PRKG1: variants seen among roughly 807,000 people sequenced by gnomAD.
PRKG1 encodes protein kinase cGMP-dependent 1.
In PRKG1, 35 loss-of-function variants were observed where a neutral mutation model predicts 88.1. The ratio of observed to expected loss-of-function variants is 0.40; its 90% CI spans 0.30 to 0.53. PRKG1 has a LOEUF of 0.53. Ranked by LOEUF, PRKG1 falls within the 20% of genes least tolerant of loss-of-function variation. PRKG1 has a pLI of 0.59. For synonymous variants in PRKG1, 303 were observed against 292.5 expected (o/e 1.04, Z -0.37); for missense variants, 540 against 839.8 (o/e 0.64, Z 4.41).
chr10:52,261,900 C>G (rs1042451918), intron 10 of PRKG1, among the ~76,000 whole-genome samples: 1 of 152,086 alleles, frequency 6.6e-6, no homozygotes, highest in African/African-American at 2.4e-5. Flanking sequence ...TCACTTAAAG[C>G]ATTTCATTTC....
At chr10:51,597,825 A>G (rs1370832683) in intron 3 of PRKG1, among the ~76,000 whole-genome samples, 1 of 152,218 alleles carries the variant, frequency 6.6e-6, no homozygotes, top group African/African-American at 2.4e-5. Flanking sequence ...GACATTCCTC[A>G]AAAGAATGAG....
At chr10:51,142,619 TAGTC>T (rs1270895310) in intron 1 of PRKG1, among the ~76,000 whole-genome samples, 1 of 152,114 alleles carries the variant, frequency 6.6e-6, no homozygotes, top group Non-Finnish European at 1.5e-5. Context: ...TGCAGGCTGA[TAGTC>T]AGTGGACCTG....
chr10:52,271,596 G>A (rs1177389972), intron 11 of PRKG1, 107 bp downstream of exon 11: 2 of 1,180,092 alleles, frequency 1.7e-6, no homozygotes, highest in Non-Finnish European at 2.3e-6. Context: ...TATGCACAAA[G>A]AAACTTCTTT....
chr10:51,429,852 AAG>A (rs1462967954), intron 2 of PRKG1, among the ~76,000 whole-genome samples: 2 of 151,930 alleles, frequency 1.3e-5, no homozygotes, highest in East Asian at 1.9e-4. Context: ...CAAGAAAATG[AAG>A]AGAGTCTCAA....
chr10:51,247,709 T>C (rs1400834748), intron 2 of PRKG1, among the ~76,000 whole-genome samples: 1 of 151,988 alleles, frequency 6.6e-6, no homozygotes, highest in African/African-American at 2.4e-5. Flanking sequence ...AATGAGCAAA[T>C]GGAGCCCCAC....
At chr10:51,974,809 T>C (rs376448261) in intron 5 of PRKG1, among the ~76,000 whole-genome samples, 2 of 152,278 alleles carry the variant, frequency 1.3e-5, no homozygotes, top group East Asian at 3.9e-4. Context: ...TTTAATAGTC[T>C]CTCTGATGTT....
At chr10:51,636,181 G>T (rs185851512) in intron 3 of PRKG1, among the ~76,000 whole-genome samples, 2 of 152,002 alleles carry the variant, frequency 1.3e-5, no homozygotes, top group South Asian at 4.2e-4. Flanking sequence ...TTGCATATCC[G>T]CTTTTTATGC....
chr10:51,253,193 T>C (rs1839470501), intron 2 of PRKG1, among the ~76,000 whole-genome samples: 1 of 151,916 alleles, frequency 6.6e-6, no homozygotes, highest in Admixed American at 6.6e-5. Flanking sequence ...AACAGCATTA[T>C]ATTGCTAATG....
chr10:52,058,437 A>G (rs1418553536), intron 6 of PRKG1, among the ~76,000 whole-genome samples: 1 of 152,074 alleles, frequency 6.6e-6, no homozygotes, highest in Admixed American at 6.6e-5. Context: ...TTCATAATAA[A>G]ACTTCTCAGC....
At chr10:51,923,733 T>A (rs1842511807) in intron 5 of PRKG1, among the ~76,000 whole-genome samples, 1 of 152,078 alleles carries the variant, frequency 6.6e-6, no homozygotes, top group African/African-American at 2.4e-5. Context: ...ACTGAGTATA[T>A]TGTTACTCTT....
chr10:51,957,159 TTC>T (rs146269300), intron 5 of PRKG1, among the ~76,000 whole-genome samples: 85 of 112,852 alleles, frequency 7.5e-4, no homozygotes, highest in African/African-American at 2.9e-3. Flanking sequence ...TCCTCTTTCT[TTC>T]TCTCTTTCTT....
rs1045454065 is a variant in PRKG1, at chr10:52,298,103, T to A, written c.*4203T>A. The A allele has an allele frequency of 2.0e-5, 3 of 152,122 alleles. No homozygotes were observed. Among genetic ancestry groups the A allele is most frequent in the Admixed American group, 6.6e-5 (1 of 15,248 alleles). 9.4% of individuals were successfully genotyped at this position (152,122 alleles called of 1,614,324 possible). ...TTTACAACTGGTCAGTTCTTTTGTA[T>A]TCTTACAGCTATGGTTATTTGATTG... is the stretch of plus-strand genomic sequence containing the variant. On this transcript the variant is annotated 3_prime_UTR_variant, in exon 18 of 18. Transcript: ENST00000373980.
At chr10:52,009,847 G>T (rs1245300293) in intron 5 of PRKG1, among the ~76,000 whole-genome samples, 1 of 152,078 alleles carries the variant, frequency 6.6e-6, no homozygotes, top group Non-Finnish European at 1.5e-5. Flanking sequence ...GAACAGAGTA[G>T]ACAGCACAGA....
At chr10:51,767,022 C>T (rs1181431876) in intron 3 of PRKG1, among the ~76,000 whole-genome samples, 9 of 152,164 alleles carry the variant, frequency 5.9e-5, no homozygotes, top group Admixed American at 5.2e-4. Context: ...TAAACTGTTA[C>T]ACCAACTGTA....
chr10:51,817,390 T>A (rs921197124), intron 4 of PRKG1, among the ~76,000 whole-genome samples: 2 of 114,294 alleles, frequency 1.7e-5, no homozygotes, highest in Non-Finnish European at 3.5e-5. Context: ...GAAGTTCCCC[T>A]CCCTGTGTCC....
chr10:51,648,446 A>G (rs1023952699), intron 3 of PRKG1, among the ~76,000 whole-genome samples: 1 of 152,204 alleles, frequency 6.6e-6, no homozygotes, highest in Admixed American at 6.5e-5. Context: ...GAATTTGCCT[A>G]AAGAGTGCAT....
chr10:51,612,227 G>A (rs1384177725), intron 3 of PRKG1, among the ~76,000 whole-genome samples: 7 of 151,942 alleles, frequency 4.6e-5, no homozygotes, highest in African/African-American at 1.7e-4. Context: ...GATTGCTTTG[G>A]GCAGTATAGT....
At chr10:51,129,608 C>A (rs1205179946) in intron 1 of PRKG1, among the ~76,000 whole-genome samples, 2 of 152,104 alleles carry the variant, frequency 1.3e-5, no homozygotes, top group East Asian at 3.9e-4. Flanking sequence ...TAGACACATC[C>A]CCAAGGAAAG....
chr10:51,766,916 C>A (rs1838179262), intron 3 of PRKG1, among the ~76,000 whole-genome samples: 1 of 152,146 alleles, frequency 6.6e-6, no homozygotes, highest in Non-Finnish European at 1.5e-5. Flanking sequence ...CTTTCTCTGC[C>A]TGCTCTGCCG....
Sources: allele counts gnomAD v4.1 joint callset (sites outside exome capture counted in the v4.1 genomes callset), GRCh38; gene constraint gnomAD v4.1.1; transcripts MANE v1.5; gene names NCBI Gene and HGNC (gene_info 2026-07-23, HGNC 2026-07-21).